NAPA: variants seen among roughly 807,000 people sequenced by gnomAD.
NAPA encodes the protein NSF attachment protein alpha.
A neutral mutation model predicts 48.0 loss-of-function variants in NAPA; 18 were observed. The observed-to-expected ratio is 0.38, with a 90% CI of 0.26 to 0.56. The LOEUF (loss-of-function observed/expected upper bound fraction) is 0.56, where lower values mean the gene tolerates loss of function less well. Among genes scored for constraint, NAPA ranks in the 20% least tolerant of loss-of-function variants. The probability of loss-of-function intolerance (pLI) is 0.77; values close to 1 mark genes in which losing one functional copy is unlikely to be tolerated. For missense variants in NAPA, 315 were observed against 385.0 expected (o/e 0.82, Z 1.52); for synonymous variants, 152 against 149.9 (o/e 1.01, Z -0.10).
intron 4 of NAPA, chr19:47,495,330 C>A: frequency 1.6e-6 from 1 of 606,774 alleles, no homozygotes; most frequent in Non-Finnish European, 2.9e-6. Context: ...ACCATGACTG[C>A]CTGTGGAGTG....
At chr19:47,498,330 G>A (rs1458685206) in intron 3 of NAPA, among the ~76,000 whole-genome samples, 1 of 152,214 alleles carries the variant, frequency 6.6e-6, no homozygotes, top group Non-Finnish European at 1.5e-5. Flanking sequence ...GCCAAGGGCA[G>A]AGGCTGTGGG....
rs545900968 is a variant in NAPA at position 47,505,724 on chromosome 19, C to G, written c.99-2222G>C. Among the ~76,000 whole-genome samples the G allele has an allele frequency of 1.6e-4, 25 of 152,292 alleles. No homozygotes were observed. In the East Asian group the frequency reaches 4.4e-3, roughly 27 times the overall value. On this transcript the variant is annotated intron_variant, in intron 1 of 10. Coordinates refer to ENST00000263354, the MANE Select transcript of NAPA (RefSeq NM_003827.4). Reference sequence around the variant, plus strand: ...AATAAATGCCCCCACGGTGGGCGGGCTGGTTGGGCCAGGGATCCTGGCCTC... The same window carrying G: ...AATAAATGCCCCCACGGTGGGCGGGGTGGTTGGGCCAGGGATCCTGGCCTC...
chr19:47,510,682 C>A (rs992905496), intron 1 of NAPA, among the ~76,000 whole-genome samples: 2 of 152,208 alleles, frequency 1.3e-5, no homozygotes, highest in African/African-American at 4.8e-5. Context: ...GGGAACAGAG[C>A]CGCCATTCAG....
At chr19:47,514,700 C>T (rs34206657) in intron 1 of NAPA, 143 bp downstream of exon 1, 98,112 of 743,960 alleles carry the variant, frequency 0.13, 7,383 homozygotes, top group East Asian at 0.24. Context: ...GTCCCCTCTG[C>T]CGCCTCAGGC....
At chr19:47,503,616 G>A (rs1968632221) in intron 1 of NAPA, 114 bp from the exon 2 acceptor site, 1 of 981,542 alleles carries the variant, frequency 1.0e-6, no homozygotes. Flanking sequence ...CCCTTCACCT[G>A]TGAAGCCAGC....
chr19:47,488,176 G>T lies in NAPA; in HGVS notation c.*112C>A. The T allele has an allele frequency of 9.8e-7, 1 of 1,020,852 alleles. No individual in the cohort carries two copies. The highest frequency in any genetic ancestry group is 1.4e-6 in the Non-Finnish European group (1 of 692,536). 63.2% of individuals were successfully genotyped at this position (1,020,852 alleles called of 1,614,324 possible). ...CCCCCGGTGCCACCTGCCCACTGTG[G>T]CCCGCGGCACTCCCCAGATGGGAAA... On this transcript the variant is annotated 3_prime_UTR_variant, in exon 11 of 11. Transcript: ENST00000263354.
intron 1 of NAPA, among the ~76,000 whole-genome samples, chr19:47,509,790 C>T (rs929411260): frequency 8.5e-5 from 13 of 152,250 alleles, no homozygotes; most frequent in African/African-American, 3.1e-4. Context: ...ATCTCACCTG[C>T]CACACGGCAC....
At chr19:47,491,933 T>A in intron 8 of NAPA, 82 bp downstream of exon 8, 1 of 1,280,906 alleles carries the variant, frequency 7.8e-7, no homozygotes, top group South Asian at 1.3e-5. Flanking sequence ...AGCACGTCCC[T>A]CTTCGGGGGC....
rs370750225 is a variant in NAPA at position 47,490,888 on chromosome 19, G to T, written c.667-32C>A. The T allele has an allele frequency of 3.7e-6, 6 of 1,600,412 alleles. No homozygotes were observed. The African/African-American group carries it at 5.4e-5, about 14-fold the overall frequency. ...AGCAGGGAAGGGAGAAGATGAGTTA[G>T]TAACAAGAGGGTCCTCAGAGCTACT... On this transcript the variant is annotated intron_variant, in intron 8 of 10. Transcript: ENST00000263354.
intron 3 of NAPA, among the ~76,000 whole-genome samples, chr19:47,499,849 C>T (rs958857333): frequency 2.6e-5 from 4 of 152,226 alleles, no homozygotes; most frequent in African/African-American, 4.8e-5. Flanking sequence ...GATTATATAG[C>T]TGCTTTTTAT....
In NAPA at chr19:47,493,551, G is replaced by A; in HGVS notation, c.343-58C>T. On this transcript the variant is annotated intron_variant, in intron 4 of 10. Coordinates refer to ENST00000263354, the MANE Select transcript of NAPA (RefSeq NM_003827.4). This position sits in a 1 kb window ranked among gnomAD's most constrained non-coding sequence, Gnocchi z 6.4. ...CTCATGACCTCCTGCGTGCCTGCCT[G>A]CTGACCTATGACCCTTCAAGTTCCC... 6.7e-7 allele frequency: 1 copy of A among 1,493,534 alleles called. No individual in the cohort carries two copies. Among genetic ancestry groups the A allele is most frequent in the Non-Finnish European group, 9.3e-7 (1 of 1,074,144 alleles). The allele number at this position is 1,493,534 out of a possible 1,614,324, so 92.5% of individuals were successfully genotyped here.
downstream of NAPA, among the ~76,000 whole-genome samples, chr19:47,485,647 C>A (rs1010502830): frequency 6.6e-6 from 1 of 152,198 alleles, no homozygotes; most frequent in Non-Finnish European, 1.5e-5. Flanking sequence ...AAATATGTGT[C>A]AAAAATCACA....
intron 2 of NAPA, among the ~76,000 whole-genome samples, chr19:47,502,433 C>CA (rs1336604312): frequency 1.3e-5 from 2 of 151,874 alleles, no homozygotes; most frequent in African/African-American, 2.4e-5. Context: ...CATAAAAATA[C>CA]AAAAAACATT....
At position 47,488,291 on chromosome 19, in the gene NAPA, G is replaced by A; in HGVS notation, c.885C>T (p.Arg295=). The A allele has an allele frequency of 6.2e-7, 1 of 1,612,396 alleles. No individual in the cohort carries two copies. The change falls in exon 11 of 11, where the codon CGC becomes CGT. Residue 295 remains arginine (R), a synonymous_variant. Transcript: ENST00000263354. ...KTIQGDEEDL[R] ...GCACTGGGGGGCTGGGTGGGGCTTA[G>A]CGCAGGTCCTCCTCATCGCCCTGGA... is the stretch of plus-strand genomic sequence containing the variant.
At chr19:47,500,420 G>C (rs1437406840) in intron 3 of NAPA, among the ~76,000 whole-genome samples, 2 of 152,242 alleles carry the variant, frequency 1.3e-5, no homozygotes, top group African/African-American at 2.4e-5. Flanking sequence ...GGTAGATAGG[G>C]GGGCGGAGAC....
chr19:47,496,297 A>T (rs1004915848), intron 3 of NAPA: 2 of 152,708 alleles, frequency 1.3e-5, no homozygotes, highest in Non-Finnish European at 2.9e-5. Flanking sequence ...TTGCCAAAAA[A>T]CCTGAACACA....
At chr19:47,488,831 GGC>G (rs1968159887) in intron 10 of NAPA, 1 of 152,604 alleles carries the variant, frequency 6.6e-6, no homozygotes, top group African/African-American at 2.4e-5. Flanking sequence ...GCAGGAGAAT[GGC>G]GTGAACCCGG....
chr19:47,503,446 A>C lies in NAPA; in HGVS notation c.155T>G (p.Phe52Cys). The change falls in exon 2 of 11, where the codon TTC becomes TGC. Residue 52 changes from phenylalanine to cysteine, a missense_variant. Coordinates refer to ENST00000263354, the MANE Select transcript of NAPA (RefSeq NM_003827.4). ...ACCACTCCAGTTTTTGGCCATTTTG[A>C]ACATGTTTGCTGCTCTGGCGTAGAT... ...CEIYARAANMFKMAKNWSAAG... is the reference protein window; with the variant it reads ...CEIYARAANMCKMAKNWSAAG... 6.2e-7 allele frequency: 1 copy of C among 1,614,192 alleles called. No homozygotes were observed. Among genetic ancestry groups the C allele is most frequent in the East Asian group, 2.2e-5 (1 of 44,888 alleles).
At chr19:47,503,597 T>G in intron 1 of NAPA, 95 bp from the exon 2 acceptor site, 1 of 1,166,762 alleles carries the variant, frequency 8.6e-7, no homozygotes, top group Non-Finnish European at 1.3e-6. Context: ...GACGTGCCCC[T>G]ACCCCTCACC....
Sources: gnomAD v4.1 joint callset for allele counts (sites outside exome capture counted in the v4.1 genomes callset) on GRCh38, gnomAD v4.1.1 for gene constraint, Gnocchi (gnomAD v3.1) non-coding constraint, MANE v1.5 for transcripts, NCBI Gene and HGNC (gene_info 2026-07-23, HGNC 2026-07-21) for gene names.